The following CSMD1 variants were observed in gnomAD, a reference collection of about 807,000 sequenced individuals.
CSMD1 encodes CUB and Sushi multiple domains 1.
CSMD1 carries 213 observed loss-of-function variants against 417.5 expected under a neutral mutation model. The observed-to-expected ratio is 0.51, with a 90% CI of 0.46 to 0.57. The LOEUF (loss-of-function observed/expected upper bound fraction) is 0.57. CSMD1 is among the 20% of genes least tolerant of loss of function. The probability of loss-of-function intolerance (pLI) is 0.00; values close to 1 mark genes in which losing one functional copy is unlikely to be tolerated. For missense variants in CSMD1, 6,923 were observed against 4,529.7 expected, an observed-to-expected ratio of 1.53 and a Z score of -15.17; for synonymous variants, 2,862 against 1,736.8, an observed-to-expected ratio of 1.65 and a Z score of -16.11.
At chr8:3,779,540 T>G (rs1039566281) in intron 5 of CSMD1, among the ~76,000 whole-genome samples, 1 of 152,194 alleles carries the variant, frequency 6.6e-6, no homozygotes, top group African/African-American at 2.4e-5. Flanking sequence ...AAATGAGCCA[T>G]GCAAATTAGC....
intron 1 of CSMD1, among the ~76,000 whole-genome samples, chr8:4,792,783 G>T (rs1797759920): frequency 6.6e-6 from 1 of 152,032 alleles, no homozygotes; most frequent in Non-Finnish European, 1.5e-5. Flanking sequence ...TCAGTACCAT[G>T]CGTTCCAGGC....
intron 3 of CSMD1, among the ~76,000 whole-genome samples, chr8:4,220,520 G>C (rs531935226): frequency 1.3e-5 from 2 of 152,184 alleles, no homozygotes; most frequent in East Asian, 1.9e-4. Context: ...CCTAGTGCAA[G>C]AGTGGAAACA....
At chr8:4,970,302 G>A (rs968046720) in intron 1 of CSMD1, among the ~76,000 whole-genome samples, 2 of 152,054 alleles carry the variant, frequency 1.3e-5, no homozygotes, top group African/African-American at 2.4e-5. Context: ...TCTGTAAAAT[G>A]GGAATAAGTA....
chr8:3,234,084 C>T (rs1409689553), intron 26 of CSMD1, among the ~76,000 whole-genome samples: 1 of 152,084 alleles, frequency 6.6e-6, no homozygotes, highest in Non-Finnish European at 1.5e-5. Context: ...CTCAGAAAGA[C>T]CTTAGATTTG....
intron 26 of CSMD1, among the ~76,000 whole-genome samples, chr8:3,274,115 C>T (rs569923340): frequency 3.4e-4 from 52 of 152,006 alleles, no homozygotes; most frequent in African/African-American, 1.1e-3. Context: ...CCCAGAGACT[C>T]TGGTATGTTG....
intron 3 of CSMD1, among the ~76,000 whole-genome samples, chr8:4,405,361 G>C (rs1431952427): frequency 3.3e-5 from 5 of 151,716 alleles, no homozygotes; most frequent in Admixed American, 6.6e-5. Flanking sequence ...GAATAGAAAT[G>C]GTTTAGATTC....
At chr8:4,659,894 G>A (rs961602349) in intron 1 of CSMD1, among the ~76,000 whole-genome samples, 2 of 151,556 alleles carry the variant, frequency 1.3e-5, no homozygotes, top group Non-Finnish European at 2.9e-5. Context: ...GTCCATCAGG[G>A]AAAAAATGCA....
chr8:4,024,038 A>C (rs1359292861), intron 4 of CSMD1, among the ~76,000 whole-genome samples: 1 of 152,092 alleles, frequency 6.6e-6, no homozygotes, highest in Non-Finnish European at 1.5e-5. Flanking sequence ...CAATTGAGAG[A>C]ACATAGAGGC....
rs7841854 is a variant in CSMD1 at position 3,101,387 on chromosome 8, A to T, written c.6950-4350T>A. ...CTCTTACTCAGGTTTTTCTACATTA[A>T]GATGAGTGTCTAGCACAGTAATATC... is the stretch of plus-strand genomic sequence containing the variant. On this transcript the variant is annotated intron_variant, in intron 46 of 69. Coordinates refer to ENST00000635120, the MANE Select transcript of CSMD1 (RefSeq NM_033225.6). Among the ~76,000 whole-genome samples, 498 of 152,222 alleles carry T rather than the reference A, an allele frequency of 3.3e-3. 7 individuals carry two copies. Among genetic ancestry groups the T allele is most frequent in the Admixed American group, 0.01 (157 of 15,292 alleles).
chr8:4,584,684 C>T (rs11995080), intron 2 of CSMD1, among the ~76,000 whole-genome samples: 28,073 of 151,908 alleles, frequency 0.18, 2,745 homozygotes, highest in East Asian at 0.26. Flanking sequence ...AAAAGCATGT[C>T]GCCCAAGCCA....
At chr8:3,950,841 G>A (rs1164221016) in intron 5 of CSMD1, among the ~76,000 whole-genome samples, 1 of 151,988 alleles carries the variant, frequency 6.6e-6, no homozygotes. Context: ...GTGCTAAGTA[G>A]AATATTTTCT....
At chr8:3,114,342 T>C (rs993840354) in intron 42 of CSMD1, among the ~76,000 whole-genome samples, 35 of 151,932 alleles carry the variant, frequency 2.3e-4, no homozygotes, top group African/African-American at 8.5e-4. Context: ...TCTAGTATTA[T>C]GTTAAGTTTT....
chr8:4,334,811 T>C (rs1800077184), intron 3 of CSMD1, among the ~76,000 whole-genome samples: 3 of 152,142 alleles, frequency 2.0e-5, no homozygotes, highest in Admixed American at 1.3e-4. Flanking sequence ...CAAAATGCCA[T>C]ATATTCGGAG....
chr8:3,649,698 A>G (rs188553235), intron 7 of CSMD1, among the ~76,000 whole-genome samples: 222 of 152,288 alleles, frequency 1.5e-3, no homozygotes, highest in Non-Finnish European at 2.4e-3. Context: ...ACACATGAGG[A>G]TTATCGGGAT....
chr8:3,187,197 A>G (rs555401482), intron 36 of CSMD1, among the ~76,000 whole-genome samples: 1 of 152,220 alleles, frequency 6.6e-6, no homozygotes, highest in African/African-American at 2.4e-5. Flanking sequence ...TTGAGTCCTA[A>G]TGCTATTACA....
At chr8:3,315,109 T>A (rs533765627) in intron 23 of CSMD1, among the ~76,000 whole-genome samples, 1 of 152,194 alleles carries the variant, frequency 6.6e-6, no homozygotes, top group South Asian at 2.1e-4. Context: ...GACATTTCAA[T>A]TGGGATAATG....
chr8:3,105,224 G>C (rs17079350), intron 46 of CSMD1, among the ~76,000 whole-genome samples: 24,083 of 152,230 alleles, frequency 0.16, 2,046 homozygotes, highest in Non-Finnish European at 0.18. Flanking sequence ...GTGCAGGGAA[G>C]AGTGACTTGC....
intron 2 of CSMD1, among the ~76,000 whole-genome samples, chr8:4,453,415 G>C (rs1799270355): frequency 6.6e-6 from 1 of 152,200 alleles, no homozygotes; most frequent in Non-Finnish European, 1.5e-5. Flanking sequence ...ATTCCCAGAA[G>C]ACACTGGACA....
intron 20 of CSMD1, among the ~76,000 whole-genome samples, chr8:3,366,559 T>C (rs1187470987): frequency 2.6e-5 from 4 of 152,202 alleles, no homozygotes; most frequent in Admixed American, 2.0e-4. Context: ...TATATTAAAC[T>C]ACAAGCTCAT....
Sources: gnomAD v4.1 joint callset for allele counts (sites outside exome capture counted in the v4.1 genomes callset) on GRCh38, gnomAD v4.1.1 for gene constraint, MANE v1.5 for transcripts, NCBI Gene and HGNC (gene_info 2026-07-23, HGNC 2026-07-21) for gene names.